The following PRKD1 variants were observed in gnomAD, a reference collection of about 807,000 sequenced individuals.
PRKD1 encodes the protein protein kinase D1, also known as serine/threonine-protein kinase D1.
Under a neutral mutation model 95.9 loss-of-function variants are expected in PRKD1, and 63 were observed. The observed-to-expected ratio is 0.66, with a 90% CI of 0.54 to 0.81. PRKD1 has a LOEUF of 0.81. PRKD1 is among the 30% of genes least tolerant of loss of function. The pLI, the probability that PRKD1 is intolerant of heterozygous loss-of-function variation, is 0.00. For missense variants in PRKD1, 1,048 were observed against 1,165.3 expected (o/e 0.90, Z 1.47); for synonymous variants, 425 against 423.1 (o/e 1.00, Z -0.05).
chr14:29,883,460 A>G (rs2139399300), intron 1 of PRKD1, among the ~76,000 whole-genome samples: 2 of 152,322 alleles, frequency 1.3e-5, no homozygotes, highest in South Asian at 2.1e-4. Context: ...ATTTTTCTCT[A>G]TATATTATTT....
chr14:29,826,800 TACACATATATATAC>T lies in PRKD1; in HGVS notation c.264+100435_264+100448del, dbSNP rs1566622933. ...ATATATACATATATACACATATATA[TACACATATATATAC>T]ACATATATATATATATATATATATA... On this transcript the variant is annotated intron_variant, in intron 1 of 17. Coordinates refer to ENST00000331968, the MANE Select transcript of PRKD1 (RefSeq NM_002742.3). 4.4e-4 allele frequency among the ~76,000 whole-genome samples: 18 copies of T among 40,844 alleles called. 1 individual carries two copies. The highest frequency in any genetic ancestry group is 4.0e-3 in the Admixed American group (10 of 2,472). 26.8% of individuals were successfully genotyped at this position (40,844 alleles called of 152,430 possible).
chr14:29,764,959 T>C (rs1234796826), intron 1 of PRKD1, among the ~76,000 whole-genome samples: 4 of 152,176 alleles, frequency 2.6e-5, no homozygotes, highest in Admixed American at 1.3e-4. Context: ...ATATAGATTC[T>C]TTTTGGAATC....
rs182031659 is a variant in PRKD1, at chr14:29,867,682, G to A, written c.264+59567C>T. Among the ~76,000 whole-genome samples, 246 of 152,346 alleles carry A rather than the reference G, an allele frequency of 1.6e-3. 2 individuals carry two copies. The highest frequency in any genetic ancestry group is 5.7e-3 in the African/African-American group (235 of 41,586). ...GTGTTGCTAAAAGATGCCCATGGCT[G>A]TGCCATGAAGGAGTGGTACAGAGGC... On this transcript the variant is annotated intron_variant, in intron 1 of 17. Transcript: ENST00000331968.
At chr14:29,768,709 TAA>T (rs558238071) in intron 1 of PRKD1, among the ~76,000 whole-genome samples, 3 of 142,338 alleles carry the variant, frequency 2.1e-5, no homozygotes, top group African/African-American at 2.6e-5. Context: ...TCTCCCTGAT[TAA>T]AAAAAAAAAA....
chr14:29,606,005 C>CT (rs916525939), intron 13 of PRKD1, among the ~76,000 whole-genome samples: 12 of 151,554 alleles, frequency 7.9e-5, no homozygotes, highest in African/African-American at 2.9e-4. Flanking sequence ...TAAGTAATGA[C>CT]TTTTTTTTTC....
intron 7 of PRKD1, among the ~76,000 whole-genome samples, chr14:29,636,068 A>G (rs1880348148): frequency 6.6e-6 from 1 of 151,468 alleles, no homozygotes; most frequent in Admixed American, 6.6e-5. Flanking sequence ...AAATAGTTCA[A>G]TGAATGAGGT....
intron 13 of PRKD1, among the ~76,000 whole-genome samples, chr14:29,620,002 C>G (rs1419776481): frequency 1.3e-5 from 2 of 151,738 alleles, no homozygotes; most frequent in Non-Finnish European, 2.9e-5. Context: ...CAGAACAGAG[C>G]CCTCAGAAAT....
intron 1 of PRKD1, among the ~76,000 whole-genome samples, chr14:29,902,876 G>C (rs1362941431): frequency 1.3e-5 from 2 of 152,000 alleles, no homozygotes; most frequent in African/African-American, 4.8e-5. Flanking sequence ...CTTCAAGCTA[G>C]ACATAACGAC....
chr14:29,895,957 T>TA (rs1367343056), intron 1 of PRKD1, among the ~76,000 whole-genome samples: 1 of 152,226 alleles, frequency 6.6e-6, no homozygotes, highest in Admixed American at 6.5e-5. Context: ...TCTTACTCAC[T>TA]ATGCTTACTT....
At chr14:29,853,683 T>C (rs1400018252) in intron 1 of PRKD1, among the ~76,000 whole-genome samples, 2 of 152,212 alleles carry the variant, frequency 1.3e-5, no homozygotes, top group Middle Eastern at 3.2e-3. Context: ...AGAGGATACA[T>C]CATGAACTGC....
At chr14:29,801,977 C>T (rs540749540) in intron 1 of PRKD1, among the ~76,000 whole-genome samples, 8 of 152,304 alleles carry the variant, frequency 5.3e-5, no homozygotes, top group South Asian at 2.1e-4. Context: ...CATGAGCCAC[C>T]AGGCCCGGCC....
chr14:29,639,255 C>T (rs1880594952), intron 4 of PRKD1, among the ~76,000 whole-genome samples: 1 of 152,106 alleles, frequency 6.6e-6, no homozygotes, highest in Admixed American at 6.5e-5. Context: ...ACATTTTTTA[C>T]AGGATTACAT....
intron 13 of PRKD1, among the ~76,000 whole-genome samples, chr14:29,601,113 TA>T (rs796118463): frequency 1.1e-4 from 17 of 152,246 alleles, no homozygotes; most frequent in African/African-American, 3.4e-4. Context: ...AAATGAAATT[TA>T]AAACCTCAAA....
intron 2 of PRKD1, among the ~76,000 whole-genome samples, chr14:29,678,072 T>C (rs1242888667): frequency 6.6e-6 from 1 of 152,230 alleles, no homozygotes; most frequent in African/African-American, 2.4e-5. Context: ...ACTGATAATG[T>C]CAAATCATCT....
intron 2 of PRKD1, among the ~76,000 whole-genome samples, chr14:29,722,931 A>C (rs1885967642): frequency 6.6e-6 from 1 of 152,180 alleles, no homozygotes; most frequent in South Asian, 2.1e-4. Context: ...AGTGATTAAA[A>C]TACAGTGAAA....
chr14:29,588,574 G>C (rs1893014622), intron 16 of PRKD1, among the ~76,000 whole-genome samples: 1 of 152,168 alleles, frequency 6.6e-6, no homozygotes, highest in Admixed American at 6.5e-5. Flanking sequence ...ATTGAGACCA[G>C]TTGGAAGAAT....
intron 16 of PRKD1, among the ~76,000 whole-genome samples, chr14:29,578,781 TAC>T (rs1892657990): frequency 6.6e-6 from 1 of 152,108 alleles, no homozygotes; most frequent in Admixed American, 6.6e-5. Flanking sequence ...AACGTTTGAA[TAC>T]ACACAATGGT....
At chr14:29,607,909 C>G (rs1218588212) in intron 13 of PRKD1, among the ~76,000 whole-genome samples, 1 of 152,164 alleles carries the variant, frequency 6.6e-6, no homozygotes, top group East Asian at 1.9e-4. Flanking sequence ...CCACACCATA[C>G]AAAGACTCCA....
At chr14:29,906,581 T>A (rs45508797) in intron 1 of PRKD1, among the ~76,000 whole-genome samples, 1 of 151,574 alleles carries the variant, frequency 6.6e-6, no homozygotes, top group African/African-American at 2.4e-5. Context: ...GCAGAGTAAC[T>A]GAGATGTAAA....
Sources: gnomAD v4.1 joint callset for allele counts (sites outside exome capture counted in the v4.1 genomes callset) on GRCh38, gnomAD v4.1.1 for gene constraint, MANE v1.5 for transcripts, NCBI Gene and HGNC (gene_info 2026-07-23, HGNC 2026-07-21) for gene names.